ACOXL: variants seen among roughly 807,000 people sequenced by gnomAD.
ACOXL encodes acyl-coenzyme A oxidase-like protein.
ACOXL carries 70 observed loss-of-function variants against 71.9 expected under a neutral mutation model. The ratio of observed to expected loss-of-function variants is 0.97; its 90% confidence interval spans 0.80 to 1.19. The LOEUF (loss-of-function observed/expected upper bound fraction) is 1.19, where lower values mean the gene tolerates loss of function less well. Ranked by LOEUF, ACOXL falls within the 50% of genes most tolerant of loss-of-function variation. ACOXL has a pLI of 0.00. For synonymous variants in ACOXL, 253 were observed against 281.6 expected (o/e 0.90, Z 1.02); for missense variants, 703 against 736.3 (o/e 0.95, Z 0.52).
chr2:110,966,407 A>C (rs546177830), intron 12 of ACOXL, among the ~76,000 whole-genome samples: 3 of 152,186 alleles, frequency 2.0e-5, no homozygotes, highest in South Asian at 2.1e-4. Flanking sequence ...ACTAACCAGG[A>C]GGTGTGAGCA....
intron 15 of ACOXL, among the ~76,000 whole-genome samples, chr2:111,040,789 G>A (rs1026914813): frequency 1.3e-5 from 2 of 152,190 alleles, no homozygotes; most frequent in South Asian, 2.1e-4. Context: ...CATGAAGTGC[G>A]TGGATGACTT....
intron 17 of ACOXL, chr2:111,094,105 C>T (rs1371771294): frequency 1.3e-5 from 2 of 152,030 alleles, no homozygotes; most frequent in Non-Finnish European, 2.9e-5. Context: ...AAAGTGAGGA[C>T]GATCATAGAC....
intron 10 of ACOXL, among the ~76,000 whole-genome samples, chr2:110,890,616 G>T (rs969491826): frequency 6.6e-6 from 1 of 152,098 alleles, no homozygotes; most frequent in Admixed American, 6.5e-5. Context: ...AAAATCAATG[G>T]AAATAAATAT....
At chr2:110,825,582 T>TA (rs1040168354) in intron 9 of ACOXL, among the ~76,000 whole-genome samples, 1 of 152,178 alleles carries the variant, frequency 6.6e-6, no homozygotes, top group African/African-American at 2.4e-5. Context: ...AATTAGCATG[T>TA]AGACAACATC....
intron 10 of ACOXL, among the ~76,000 whole-genome samples, chr2:110,885,972 A>G (rs568704850): frequency 1.3e-5 from 2 of 152,120 alleles, no homozygotes; most frequent in East Asian, 3.9e-4. Context: ...TCATGTTTTT[A>G]TATGTTTCTC....
At chr2:110,883,912 A>C (rs1199908472) in intron 10 of ACOXL, among the ~76,000 whole-genome samples, 4 of 152,230 alleles carry the variant, frequency 2.6e-5, no homozygotes, top group Admixed American at 1.3e-4. Context: ...TATAGTACAC[A>C]CTTAAATATT....
At chr2:110,848,029 C>A (rs1418985884) in intron 10 of ACOXL, among the ~76,000 whole-genome samples, 1 of 152,160 alleles carries the variant, frequency 6.6e-6, no homozygotes, top group Non-Finnish European at 1.5e-5. Context: ...GAAAAAGCAG[C>A]ATCAATGAGC....
intron 1 of ACOXL, among the ~76,000 whole-genome samples, chr2:110,748,772 T>C (rs1448505719): frequency 1.3e-5 from 2 of 152,206 alleles, no homozygotes; most frequent in African/African-American, 2.4e-5. Context: ...ATGGTTTCTT[T>C]GCTCTCCGCC....
At chr2:110,966,403 C>G (rs763353998) in intron 12 of ACOXL, among the ~76,000 whole-genome samples, 27 of 152,204 alleles carry the variant, frequency 1.8e-4, no homozygotes, top group Non-Finnish European at 4.0e-4. Context: ...TTAGACTAAC[C>G]AGGAGGTGTG....
chr2:110,988,405 A>C (rs368143584), intron 13 of ACOXL, among the ~76,000 whole-genome samples: 3 of 152,092 alleles, frequency 2.0e-5, no homozygotes, highest in African/African-American at 7.2e-5. Context: ...ATGCCACTGC[A>C]CTCTAGCCTG....
At chr2:110,883,119 T>TTTG (rs1696871658) in intron 10 of ACOXL, among the ~76,000 whole-genome samples, 2 of 148,122 alleles carry the variant, frequency 1.4e-5, no homozygotes, top group South Asian at 2.2e-4. Context: ...TTTTTTTTTT[T>TTTG]TTTTTTTTTT....
rs201481495 is a variant in ACOXL at position 110,805,406 on chromosome 2, C to G, written c.753+11C>G. 6 of 1,614,056 alleles carry G rather than the reference C, an allele frequency of 3.7e-6. No individual in the cohort carries two copies. The highest frequency in any genetic ancestry group is 5.1e-6 in the Non-Finnish European group (6 of 1,180,024). On this transcript the variant is annotated intron_variant, in intron 9 of 17. Coordinates refer to ENST00000439055, the MANE Select transcript of ACOXL (RefSeq NM_001142807.4). ...ATGGGTGCCATGAAGGTAATTGACT[C>G]TGATTTTAACTTAATTATCTACTGT...
chr2:111,030,386 A>G (rs1244618938), intron 14 of ACOXL, among the ~76,000 whole-genome samples: 2 of 152,204 alleles, frequency 1.3e-5, no homozygotes, highest in Admixed American at 1.3e-4. Context: ...TCAGGGAGCA[A>G]AGCAGACATT....
intron 1 of ACOXL, among the ~76,000 whole-genome samples, chr2:110,747,673 G>A (rs758808620): frequency 1.3e-5 from 2 of 152,232 alleles, no homozygotes; most frequent in Non-Finnish European, 1.5e-5. Flanking sequence ...ACCTACCTCA[G>A]AATCCTGGCA....
At chr2:110,933,157 TA>T (rs777419924) in intron 11 of ACOXL, among the ~76,000 whole-genome samples, 2 of 152,212 alleles carry the variant, frequency 1.3e-5, no homozygotes, top group Non-Finnish European at 2.9e-5. Flanking sequence ...TAGTACTGTT[TA>T]AACCATTTGC....
At chr2:110,812,068 TA>T (rs1033031700) in intron 9 of ACOXL, among the ~76,000 whole-genome samples, 1 of 152,216 alleles carries the variant, frequency 6.6e-6, no homozygotes, top group African/African-American at 2.4e-5. Context: ...TGTTGATTTT[TA>T]AAAAGTGTCA....
chr2:110,928,834 C>G (rs772444676), intron 11 of ACOXL, among the ~76,000 whole-genome samples: 6 of 152,168 alleles, frequency 3.9e-5, no homozygotes, highest in Non-Finnish European at 7.3e-5. Flanking sequence ...CTCATGAGAT[C>G]TGACGGTTTT....
chr2:110,939,811 A>G (rs1314601644), intron 12 of ACOXL, among the ~76,000 whole-genome samples: 1 of 152,228 alleles, frequency 6.6e-6, no homozygotes. Flanking sequence ...CTCATCAGCT[A>G]TCATTAGTGT....
chr2:110,851,696 G>C (rs1286687814), intron 10 of ACOXL, among the ~76,000 whole-genome samples: 1 of 152,188 alleles, frequency 6.6e-6, no homozygotes, highest in Non-Finnish European at 1.5e-5. Flanking sequence ...CTGGTCTGTG[G>C]TCCTGAGAGC....
Sources: gnomAD v4.1 joint callset for allele counts (sites outside exome capture counted in the v4.1 genomes callset) on GRCh38, gnomAD v4.1.1 for gene constraint, MANE v1.5 for transcripts, NCBI Gene and HGNC (gene_info 2026-07-23, HGNC 2026-07-21) for gene names.